Variants in LDLRAP1 observed in about 807,000 individuals in gnomAD.
LDLRAP1 encodes low density lipoprotein receptor adapter protein 1.
LDLRAP1 carries 30 observed loss-of-function variants against 37.8 expected under a neutral mutation model. The ratio of observed to expected loss-of-function variants is 0.79; its 90% CI spans 0.59 to 1.08. LDLRAP1 has a LOEUF of 1.08. Ranked by LOEUF, LDLRAP1 falls within the 50% of genes least tolerant of loss-of-function variation. The pLI is 0.00. For missense variants in LDLRAP1, 375 were observed against 401.6 expected, an observed-to-expected ratio of 0.93 and a Z score of 0.57; for synonymous variants, 156 against 169.8, an observed-to-expected ratio of 0.92 and a Z score of 0.63.
At chr1:25,565,050 C>T (rs1012628112) in intron 7 of LDLRAP1, 123 bp from the exon 8 acceptor site, 27 of 1,066,972 alleles carry the variant, frequency 2.5e-5, no homozygotes, top group Non-Finnish European at 3.1e-5. Context: ...GCCGTGCCTC[C>T]AGGCGCCCAC....
chr1:25,554,347 G>T lies in LDLRAP1; in HGVS notation c.231+283G>T, dbSNP rs1463146438. ...TTGGTGACTTATCAGCACCAGGAAG[G>T]GTGGGGAGTTTGCTTTCCCTTGACT... On this transcript the variant is annotated intron_variant, in intron 2 of 8. Transcript: ENST00000374338. This position sits in a 1 kb window ranked among gnomAD's most constrained non-coding sequence, Gnocchi z 5.4. Among the ~76,000 whole-genome samples, 3 of 152,176 alleles carry T rather than the reference G, an allele frequency of 2.0e-5. No individual in the cohort carries two copies. Among genetic ancestry groups the T allele is most frequent in the Admixed American group, 6.5e-5 (1 of 15,288 alleles).
intron 1 of LDLRAP1, among the ~76,000 whole-genome samples, chr1:25,548,335 CTTTTT>C (rs144789866): frequency 0.17 from 13,520 of 81,148 alleles, 1,045 homozygotes; most frequent in Admixed American, 0.19. Context: ...GATGGATACT[CTTTTT>C]TTTTTTTTTT....
intron 1 of LDLRAP1, among the ~76,000 whole-genome samples, chr1:25,547,011 A>G (rs2043951841): frequency 6.6e-6 from 1 of 152,134 alleles, no homozygotes; most frequent in Non-Finnish European, 1.5e-5. Flanking sequence ...AGCAGGACAA[A>G]TAAAAATAAA....
chr1:25,577,499 C>T, the LDLRAP1 span, among the ~76,000 whole-genome samples: 6 of 152,308 alleles, frequency 3.9e-5, no homozygotes, highest in East Asian at 3.9e-4. Context: ...ACAGTTACCA[C>T]GCCCAGTGCA....
intron 8 of LDLRAP1, among the ~76,000 whole-genome samples, chr1:25,565,481 G>A (rs2044454566): frequency 6.6e-6 from 1 of 151,944 alleles, no homozygotes; most frequent in Non-Finnish European, 1.5e-5. Flanking sequence ...TGAGGTGAGC[G>A]AAACACACTG....
In LDLRAP1 at chr1:25,567,010, G is replaced by C; in HGVS notation, c.*18G>C. ...GCTTCTGAGGGCCCGGGGCCAGCCG[G>C]ACACAAGCGGCCCTGACACGTGATG... On this transcript the variant is annotated 3_prime_UTR_variant, in exon 9 of 9. Coordinates refer to ENST00000374338, the MANE Select transcript of LDLRAP1 (RefSeq NM_015627.3). 1 of 1,613,056 alleles carries C rather than the reference G, an allele frequency of 6.2e-7. No individual in the cohort carries two copies. The highest frequency in any genetic ancestry group is 2.2e-5 in the East Asian group (1 of 44,882).
rs1400864020 is a variant in LDLRAP1 at position 25,543,616 on chromosome 1, G to C, written c.-83G>C. 9 of 1,007,682 alleles carry C rather than the reference G, an allele frequency of 8.9e-6. No individual in the cohort carries two copies. The highest frequency in any genetic ancestry group is 8.8e-6 in the Non-Finnish European group (7 of 793,270). The allele number at this position is 1,007,682 out of a possible 1,614,324, so 62.4% of individuals were successfully genotyped here. A position where few individuals can be genotyped will look rare whatever the true frequency, so the allele number is the denominator to read the frequency against. ...GGCGCTGGGAGGGGAGGAGCGCGCA[G>C]CCCGCGCGCCGCAGGGCCGGGCGGA... On this transcript the variant is annotated 5_prime_UTR_variant, in exon 1 of 9. Coordinates refer to ENST00000374338, the MANE Select transcript of LDLRAP1 (RefSeq NM_015627.3).
the LDLRAP1 span, among the ~76,000 whole-genome samples, chr1:25,584,112 G>A: frequency 2.8e-4 from 42 of 152,110 alleles, no homozygotes; most frequent in Admixed American, 2.2e-3. Context: ...AAGGTCCTCC[G>A]CGTGGCAGGT....
chr1:25,584,976 T>C, the LDLRAP1 span, among the ~76,000 whole-genome samples: 1 of 152,112 alleles, frequency 6.6e-6, no homozygotes, highest in African/African-American at 2.4e-5. Flanking sequence ...GGGGGTGCTC[T>C]GAGGAAGTGA....
the LDLRAP1 span, among the ~76,000 whole-genome samples, chr1:25,589,295 C>A: frequency 7.7e-6 from 1 of 129,594 alleles, no homozygotes; most frequent in South Asian, 2.3e-4. Flanking sequence ...CACAGCAACA[C>A]TCCATCTCAA....
downstream of LDLRAP1, among the ~76,000 whole-genome samples, chr1:25,570,139 GC>G (rs1203827786): frequency 2.6e-5 from 4 of 152,142 alleles, no homozygotes; most frequent in Admixed American, 6.5e-5. Context: ...TCAGCATCAG[GC>G]TGACTCCCTG....
chr1:25,565,031 C>T (rs2044439773), intron 7 of LDLRAP1, 142 bp from the exon 8 acceptor site: 1 of 849,130 alleles, frequency 1.2e-6, no homozygotes, highest in Admixed American at 1.8e-5. Flanking sequence ...GGCAGGAGGC[C>T]TGCCTGAGGC....
rs964435985 is a variant in LDLRAP1 at position 25,544,721 on chromosome 1, T to G, written c.88+935T>G. On this transcript the variant is annotated intron_variant, in intron 1 of 8. Coordinates refer to ENST00000374338, the MANE Select transcript of LDLRAP1 (RefSeq NM_015627.3). This position sits in a 1 kb window ranked among gnomAD's most constrained non-coding sequence, Gnocchi z 4.8. ...GGGAGGGAGAAGAGAGTGGCTTGCC[T>G]GGGGTCACACACACCTTCCTGCTGG... 6.6e-6 allele frequency among the ~76,000 whole-genome samples: 1 copy of G among 152,174 alleles called. No homozygotes were observed. The highest frequency in any genetic ancestry group is 2.4e-5 in the African/African-American group (1 of 41,448).
chr1:25,562,085 C>T (rs975902747), intron 4 of LDLRAP1, among the ~76,000 whole-genome samples: 2 of 152,122 alleles, frequency 1.3e-5, no homozygotes, highest in African/African-American at 4.8e-5. Flanking sequence ...ACATCTTGCT[C>T]CTATCAGGAA....
the LDLRAP1 span, among the ~76,000 whole-genome samples, chr1:25,582,765 T>C: frequency 6.6e-6 from 1 of 152,102 alleles, no homozygotes; most frequent in Non-Finnish European, 1.5e-5. Flanking sequence ...TCACATATCA[T>C]ACAACTCATT....
At chr1:25,569,574 T>C (rs11247902), downstream of LDLRAP1, among the ~76,000 whole-genome samples, 84,770 of 151,982 alleles carry the variant, frequency 0.56, 24,533 homozygotes, top group African/African-American at 0.72. Flanking sequence ...TGTGACTCAG[T>C]GGTGACCATC....
rs966188435 is a variant in LDLRAP1, at chr1:25,554,461, C to T, written c.231+397C>T. Among the ~76,000 whole-genome samples the T allele has an allele frequency of 2.6e-5, 4 of 152,200 alleles. No homozygotes were observed. The highest frequency in any genetic ancestry group is 7.2e-5 in the African/African-American group (3 of 41,460). On this transcript the variant is annotated intron_variant, in intron 2 of 8. Coordinates refer to ENST00000374338, the MANE Select transcript of LDLRAP1 (RefSeq NM_015627.3). This position sits in a 1 kb window ranked among gnomAD's most constrained non-coding sequence, Gnocchi z 5.4. Reference sequence around the variant, plus strand: ...TTGAGCAAGGGTGGGCCTTTTAAATCCACTTCCCTTGGTGGCCTCAGACCC... The same window carrying T: ...TTGAGCAAGGGTGGGCCTTTTAAATTCACTTCCCTTGGTGGCCTCAGACCC...
downstream of LDLRAP1, among the ~76,000 whole-genome samples, chr1:25,573,326 G>A (rs896890250): frequency 6.6e-6 from 1 of 152,226 alleles, no homozygotes; most frequent in Non-Finnish European, 1.5e-5. Context: ...GTTTCCAGTA[G>A]GAAGGGATTT....
chr1:25,586,501 T>C, the LDLRAP1 span, among the ~76,000 whole-genome samples: 1 of 152,016 alleles, frequency 6.6e-6, no homozygotes, highest in African/African-American at 2.4e-5. The surrounding 1 kb of genome is among the most constrained non-coding windows in gnomAD (Gnocchi z 4.3). Flanking sequence ...TGTGTGTGTG[T>C]GCATGCACAT....
Sources: allele counts gnomAD v4.1 joint callset (sites outside exome capture counted in the v4.1 genomes callset), GRCh38; gene constraint gnomAD v4.1.1; non-coding constraint Gnocchi (gnomAD v3.1); transcripts MANE v1.5; gene names NCBI Gene and HGNC (gene_info 2026-07-23, HGNC 2026-07-21).